Variants in COL22A1 observed in about 807,000 individuals in gnomAD.
The protein encoded by COL22A1 is collagen type XXII alpha 1 chain, also known as collagen alpha-1(XXII) chain.
COL22A1 carries 221 observed loss-of-function variants against 248.9 expected under a neutral mutation model. That is an observed-to-expected ratio of 0.89 (90% confidence interval 0.80 to 0.99). COL22A1 has a LOEUF of 0.99. COL22A1 is among the 50% of genes least tolerant of loss of function. COL22A1 has a pLI of 0.00. For synonymous variants in COL22A1, 891 were observed against 793.4 expected (o/e 1.12, Z -2.07); for missense variants, 2,240 against 2,179.0 (o/e 1.03, Z -0.56).
At chr8:138,601,164 G>A (rs981277576) in intron 60 of COL22A1, among the ~76,000 whole-genome samples, 6 of 151,738 alleles carry the variant, frequency 4.0e-5, no homozygotes, top group African/African-American at 9.7e-5. Flanking sequence ...TGCCTGAGTC[G>A]CATTCTCGGG....
At chr8:138,748,775 T>C (rs1832345430) in intron 22 of COL22A1, among the ~76,000 whole-genome samples, 1 of 152,190 alleles carries the variant, frequency 6.6e-6, no homozygotes, top group African/African-American at 2.4e-5. Context: ...CTGGTATTCC[T>C]CAGAAGGGTA....
intron 6 of COL22A1, among the ~76,000 whole-genome samples, chr8:138,824,617 G>T (rs1819431510): frequency 1.3e-5 from 2 of 152,194 alleles, no homozygotes; most frequent in African/African-American, 4.8e-5. Context: ...TTTAAGGGTG[G>T]TTGTAAATGG....
rs372214665 is a variant in COL22A1 at position 138,879,690 on chromosome 8, C to CA, written c.92-1375dup. ...TGGGTGACAGAGTGAGACACTCTCT[C>CA]AAAAAAAAAAAAAAAAAAAAAAAAG... On this transcript the variant is annotated intron_variant, in intron 2 of 64. Coordinates refer to ENST00000303045, the MANE Select transcript of COL22A1 (RefSeq NM_152888.3). 3.9e-3 allele frequency among the ~76,000 whole-genome samples: 382 copies of CA among 99,016 alleles called. 4 individuals are homozygous for CA. The highest frequency in any genetic ancestry group is 0.012 in the African/African-American group (259 of 22,478). 65.0% of individuals were successfully genotyped at this position (99,016 alleles called of 152,430 possible).
chr8:138,798,963 G>C (rs1294288265), intron 11 of COL22A1, among the ~76,000 whole-genome samples: 3 of 152,110 alleles, frequency 2.0e-5, no homozygotes, highest in African/African-American at 7.2e-5. Flanking sequence ...TTAATTCCCA[G>C]TAGGTGCAGA....
chr8:138,805,220 ATGTG>A (rs1226125838), intron 10 of COL22A1, among the ~76,000 whole-genome samples: 1 of 119,740 alleles, frequency 8.4e-6, no homozygotes, highest in Admixed American at 8.4e-5. Context: ...GTGTGTGTGC[ATGTG>A]TGTGAGATGG....
intron 35 of COL22A1, among the ~76,000 whole-genome samples, chr8:138,692,344 G>C (rs1277948647): frequency 1.2e-5 from 1 of 86,840 alleles, no homozygotes; most frequent in Non-Finnish European, 2.4e-5. Context: ...GTGGATGTGT[G>C]TATGTGTGCA....
chr8:138,724,156 C>T (rs770700198), intron 25 of COL22A1, among the ~76,000 whole-genome samples: 1 of 152,200 alleles, frequency 6.6e-6, no homozygotes, highest in South Asian at 2.1e-4. Flanking sequence ...TTAATGTTTT[C>T]TAAGCTCCAC....
chr8:138,713,858 C>T (rs940276833), intron 30 of COL22A1, among the ~76,000 whole-genome samples: 1 of 152,180 alleles, frequency 6.6e-6, no homozygotes, highest in African/African-American at 2.4e-5. Flanking sequence ...TACCTACTTG[C>T]ACCTCTAGAC....
chr8:138,591,518 G>A lies in COL22A1; in HGVS notation c.4616-17C>T, dbSNP rs375328600. 93 of 1,524,578 alleles carry A rather than the reference G, an allele frequency of 6.1e-5. No homozygotes were observed. In the African/African-American group the frequency reaches 1.2e-3, roughly 19 times the overall value. 94.4% of individuals were successfully genotyped at this position (1,524,578 alleles called of 1,614,324 possible). A position where few individuals can be genotyped will look rare whatever the true frequency, so the allele number is the denominator to read the frequency against. Reference sequence around the variant, plus strand: ...CTCGCTCACCTGGGAAGAAAAACATGCACTTTTGATGGTGGAGACCCCCGG... The same window carrying A: ...CTCGCTCACCTGGGAAGAAAAACATACACTTTTGATGGTGGAGACCCCCGG... On this transcript the variant is annotated splice_polypyrimidine_tract_variant and intron_variant, in intron 63 of 64. Coordinates refer to ENST00000303045, the MANE Select transcript of COL22A1 (RefSeq NM_152888.3).
intron 23 of COL22A1, among the ~76,000 whole-genome samples, chr8:138,726,233 T>G (rs1334245223): frequency 6.6e-6 from 1 of 152,000 alleles, no homozygotes; most frequent in Non-Finnish European, 1.5e-5. Context: ...GGCTCACAAC[T>G]GTAATCACAG....
At position 138,806,315 on chromosome 8, in the gene COL22A1, GGTGTGTGTGTGTGTGTGATGGTTT is replaced by G. The variant is rs1239397299; in HGVS notation, c.1494+1429_1494+1452del. Among the ~76,000 whole-genome samples, 59 of 147,802 alleles carry G rather than the reference GGTGTGTGTGTGTGTGTGATGGTTT, an allele frequency of 4.0e-4. No homozygotes were observed. The Middle Eastern group carries it at 0.011, about 28-fold the overall frequency. ...GTGTGTGTGTGATGTTGTATTATGG[GGTGTGTGTGTGTGTGTGATGGTTT>G]GTGTGTGTGTCCGTAGTGTCACATC... On this transcript the variant is annotated intron_variant, in intron 10 of 64. Transcript: ENST00000303045.
chr8:138,787,385 T>C (rs1315521498), intron 12 of COL22A1, among the ~76,000 whole-genome samples: 1 of 152,158 alleles, frequency 6.6e-6, no homozygotes, highest in East Asian at 1.9e-4. Flanking sequence ...TGTCTCATGT[T>C]AACAGAGCAG....
chr8:138,742,135 G>A (rs1831635123), intron 22 of COL22A1, among the ~76,000 whole-genome samples: 1 of 151,812 alleles, frequency 6.6e-6, no homozygotes, highest in African/African-American at 2.4e-5. Flanking sequence ...TAGTGATGGT[G>A]GTAGTGATTG....
At chr8:138,796,406 T>TCC (rs1816538526) in intron 12 of COL22A1, among the ~76,000 whole-genome samples, 1 of 145,310 alleles carries the variant, frequency 6.9e-6, no homozygotes. Context: ...TTTTTTTTTT[T>TCC]TTTTTTTTTT....
intron 11 of COL22A1, among the ~76,000 whole-genome samples, chr8:138,798,758 T>C (rs767027797): frequency 2.0e-5 from 3 of 152,218 alleles, no homozygotes; most frequent in East Asian, 1.9e-4. Flanking sequence ...TTTTTTTCTC[T>C]TGCTACTTTC....
At chr8:138,613,774 T>C in intron 56 of COL22A1, 93 bp downstream of exon 56, 1 of 1,154,182 alleles carries the variant, frequency 8.7e-7, no homozygotes, top group Non-Finnish European at 1.3e-6. Context: ...TTTAACAATA[T>C]ATACAGTGGC....
At chr8:138,704,293 G>A (rs1828223125) in intron 30 of COL22A1, among the ~76,000 whole-genome samples, 1 of 152,200 alleles carries the variant, frequency 6.6e-6, no homozygotes, top group Admixed American at 6.5e-5. Flanking sequence ...TCCCAGCACG[G>A]AGTTTGAGAT....
intron 22 of COL22A1, among the ~76,000 whole-genome samples, chr8:138,741,297 C>A (rs530436324): frequency 6.6e-6 from 1 of 152,316 alleles, no homozygotes; most frequent in Admixed American, 6.5e-5. Context: ...TTCCTGGGGC[C>A]ACCCAAGAGC....
At chr8:138,824,379 T>C (rs1819404817) in intron 6 of COL22A1, among the ~76,000 whole-genome samples, 1 of 152,230 alleles carries the variant, frequency 6.6e-6, no homozygotes, top group Admixed American at 6.5e-5. Flanking sequence ...ACTGGTTCTA[T>C]TTTCAAAATT....
Sources: allele counts gnomAD v4.1 joint callset (sites outside exome capture counted in the v4.1 genomes callset), GRCh38; gene constraint gnomAD v4.1.1; transcripts MANE v1.5; gene names NCBI Gene and HGNC (gene_info 2026-07-23, HGNC 2026-07-21).